ARHGAP39: variants seen among roughly 807,000 people sequenced by gnomAD.
The protein encoded by ARHGAP39 is rho GTPase-activating protein 39.
A neutral mutation model predicts 106.9 loss-of-function variants in ARHGAP39; 44 were observed. The ratio of observed to expected loss-of-function variants is 0.41; its 90% CI spans 0.32 to 0.53. The LOEUF (loss-of-function observed/expected upper bound fraction) is 0.53. Among genes scored for constraint, ARHGAP39 ranks in the 20% least tolerant of loss-of-function variants. The pLI is 0.21. For missense variants in ARHGAP39, 1,496 were observed against 1,577.3 expected (o/e 0.95, Z 0.87); for synonymous variants, 768 against 693.2 (o/e 1.11, Z -1.69).
At chr8:144,619,046 GGAGCAGGACAGGCCCAGA>G (rs760129293) in intron 1 of ARHGAP39, among the ~76,000 whole-genome samples, 6 of 152,240 alleles carry the variant, frequency 3.9e-5, no homozygotes, top group South Asian at 2.1e-4. Flanking sequence ...GTGGACACAG[GGAGCAGGACAGGCCCAGA>G]GAGCAGGACA....
intron 1 of ARHGAP39, among the ~76,000 whole-genome samples, chr8:144,678,122 C>G (rs1342250351): frequency 6.6e-6 from 1 of 152,066 alleles, no homozygotes; most frequent in Non-Finnish European, 1.5e-5. Flanking sequence ...AGAACACAAA[C>G]AGCCAAGTGC....
intron 1 of ARHGAP39, among the ~76,000 whole-genome samples, chr8:144,629,733 G>A (rs901130620): frequency 2.0e-5 from 3 of 152,198 alleles, no homozygotes; most frequent in African/African-American, 7.2e-5. Flanking sequence ...GGCAGAGGGT[G>A]GAGAGGACGA....
At chr8:144,637,755 C>T (rs1217915629) in intron 1 of ARHGAP39, among the ~76,000 whole-genome samples, 1 of 151,984 alleles carries the variant, frequency 6.6e-6, no homozygotes, top group Non-Finnish European at 1.5e-5. Flanking sequence ...GGCTGGAGTG[C>T]AGTGGCACCA....
the ARHGAP39 span, among the ~76,000 whole-genome samples, chr8:144,697,788 G>T: frequency 2.0e-5 from 3 of 152,154 alleles, no homozygotes; most frequent in South Asian, 6.2e-4. Context: ...CACTGCACCC[G>T]GCCTGTTTTT....
intron 6 of ARHGAP39, among the ~76,000 whole-genome samples, chr8:144,541,810 T>A (rs1012979728): frequency 6.6e-6 from 1 of 152,220 alleles, no homozygotes; most frequent in African/African-American, 2.4e-5. Context: ...AGAGCTGCTG[T>A]GAACGAGGTG....
Position 144,670,220 on chromosome 8 carries a change from G to A in ARHGAP39, c.-82+15466C>T, listed in dbSNP as rs573736220. Among the ~76,000 whole-genome samples the A allele has an allele frequency of 2.6e-5, 4 of 152,296 alleles. No individual in the cohort carries two copies. The highest frequency in any genetic ancestry group is 6.5e-5 in the Admixed American group (1 of 15,296). ...ACAGAGCTCGGACGCATGCTAGAGC[G>A]TACCGGGAAGCTGGATGAGGGCCTG... On this transcript the variant is annotated intron_variant, in intron 1 of 11. Transcript: ENST00000377307. This position sits in a 1 kb window ranked among gnomAD's most constrained non-coding sequence, Gnocchi z 4.4.
chr8:144,541,963 C>T (rs1019965998), intron 6 of ARHGAP39, among the ~76,000 whole-genome samples: 1 of 124,116 alleles, frequency 8.1e-6, no homozygotes, highest in Non-Finnish European at 1.6e-5. Flanking sequence ...TTTTACATTC[C>T]TTTCTGGGTT....
chr8:144,537,627 CAGAAG>C, intron 7 of ARHGAP39, 89 bp downstream of exon 7: 1 of 1,111,574 alleles, frequency 9.0e-7, no homozygotes, highest in Non-Finnish European at 1.3e-6. Context: ...CCCCCCCGCC[CAGAAG>C]CGGTTAGAGA....
chr8:144,538,133 C>T (rs1817040649), intron 6 of ARHGAP39, among the ~76,000 whole-genome samples: 1 of 152,240 alleles, frequency 6.6e-6, no homozygotes, highest in African/African-American at 2.4e-5. Context: ...GCAGCTTCTG[C>T]CCTCTGGCTG....
At chr8:144,564,347 C>T (rs1818314259) in intron 3 of ARHGAP39, among the ~76,000 whole-genome samples, 2 of 152,332 alleles carry the variant, frequency 1.3e-5, no homozygotes, top group South Asian at 4.1e-4. Flanking sequence ...TCGGGACGTG[C>T]CACTTGGTGC....
chr8:144,589,374 G>C (rs1314463132), intron 2 of ARHGAP39, among the ~76,000 whole-genome samples: 2 of 152,234 alleles, frequency 1.3e-5, no homozygotes, highest in African/African-American at 4.8e-5. Context: ...CCCTGGGGCA[G>C]GGAGTCATGG....
intron 1 of ARHGAP39, among the ~76,000 whole-genome samples, chr8:144,665,425 C>T (rs1472733115): frequency 2.6e-5 from 4 of 152,302 alleles, no homozygotes; most frequent in Non-Finnish European, 5.9e-5. Flanking sequence ...AATGTCAATC[C>T]CCAAGACCAC....
At chr8:144,691,393 G>C in the ARHGAP39 span, among the ~76,000 whole-genome samples, 1 of 152,156 alleles carries the variant, frequency 6.6e-6, no homozygotes, top group Non-Finnish European at 1.5e-5. Context: ...GGAATCATCT[G>C]ATTGCAAGTG....
At chr8:144,620,055 CCT>C (rs1249878513) in intron 1 of ARHGAP39, among the ~76,000 whole-genome samples, 2 of 131,810 alleles carry the variant, frequency 1.5e-5, no homozygotes, top group Non-Finnish European at 3.1e-5. Context: ...CCTGTGCGTC[CCT>C]GAGAGCGTGT....
At chr8:144,681,575 G>A (rs1822419749) in intron 1 of ARHGAP39, among the ~76,000 whole-genome samples, 3 of 152,162 alleles carry the variant, frequency 2.0e-5, no homozygotes, top group African/African-American at 7.2e-5. Context: ...CACCAAAGAA[G>A]CCAGTACAAG....
At chr8:144,635,250 C>A (rs1164367908) in intron 1 of ARHGAP39, among the ~76,000 whole-genome samples, 2 of 152,220 alleles carry the variant, frequency 1.3e-5, no homozygotes, top group Non-Finnish European at 2.9e-5. Flanking sequence ...CAGCTGCACT[C>A]CCCATGGGGG....
chr8:144,632,255 G>A (rs1563716816), intron 1 of ARHGAP39, among the ~76,000 whole-genome samples: 1 of 152,160 alleles, frequency 6.6e-6, no homozygotes. Context: ...AACAGGCACC[G>A]TCACCCTCCA....
intron 1 of ARHGAP39, among the ~76,000 whole-genome samples, chr8:144,628,470 T>A (rs1354661317): frequency 1.3e-5 from 2 of 152,050 alleles, no homozygotes; most frequent in Admixed American, 1.3e-4. Context: ...CAAACGGCAA[T>A]CCTGAATGTA....
chr8:144,631,492 T>A (rs573758667), intron 1 of ARHGAP39, among the ~76,000 whole-genome samples: 8 of 152,378 alleles, frequency 5.3e-5, no homozygotes, highest in African/African-American at 1.9e-4. Flanking sequence ...ACGGGTGTGA[T>A]ATCCTCTCGT....
Sources: gnomAD v4.1 joint callset for allele counts (sites outside exome capture counted in the v4.1 genomes callset) on GRCh38, gnomAD v4.1.1 for gene constraint, Gnocchi (gnomAD v3.1) non-coding constraint, MANE v1.5 for transcripts, NCBI Gene and HGNC (gene_info 2026-07-23, HGNC 2026-07-21) for gene names.